PCLO: variants seen among roughly 807,000 people sequenced by gnomAD.
PCLO encodes piccolo presynaptic cytomatrix protein, also known as protein piccolo.
A neutral mutation model predicts 427.5 loss-of-function variants in PCLO; 82 were observed. The observed-to-expected ratio is 0.19, with a 90% CI of 0.16 to 0.23. The LOEUF (loss-of-function observed/expected upper bound fraction) is 0.23, where lower values mean the gene tolerates loss of function less well. PCLO is among the 10% of genes least tolerant of loss of function. The pLI is 1.00. For missense variants in PCLO, 6,239 were observed against 6,115.9 expected, an observed-to-expected ratio of 1.02 and a Z score of -0.67; for synonymous variants, 2,357 against 2,155.4, an observed-to-expected ratio of 1.09 and a Z score of -2.59.
Position 83,049,530 on chromosome 7 carries a change from G to A in PCLO, c.3301-83043C>T, listed in dbSNP as rs1789182890. The stretch of plus-strand genomic sequence containing the variant: ...TAGGGGAAGATGGAAGAGTGAAGGA[G>A]CTGAGGTCAAGAGGTTACCGATGAT... On this transcript the variant is annotated intron_variant, in intron 3 of 24. Coordinates refer to ENST00000333891, the MANE Select transcript of PCLO (RefSeq NM_033026.6). 2.6e-5 allele frequency among the ~76,000 whole-genome samples: 4 copies of A among 152,244 alleles called. No individual in the cohort carries two copies. The South Asian group carries it at 8.3e-4, about 32-fold the overall frequency.
rs1313000516 is a variant in PCLO, at chr7:83,038,037, A to ATC, written c.3301-71551_3301-71550insGA. On this transcript the variant is annotated intron_variant, in intron 3 of 24. Coordinates refer to ENST00000333891, the MANE Select transcript of PCLO (RefSeq NM_033026.6). ...TATATATATATATATATATTTATAT[A>ATC]TTTATATATATATCTTTATATATAT... 2.1e-4 allele frequency among the ~76,000 whole-genome samples: 7 copies of ATC among 33,832 alleles called. 1 individual carries two copies. Among genetic ancestry groups the ATC allele is most frequent in the African/African-American group, 2.6e-4 (2 of 7,550 alleles). 22.2% of individuals were successfully genotyped at this position (33,832 alleles called of 152,430 possible).
At chr7:83,037,638 CT>C (rs75488738) in intron 3 of PCLO, among the ~76,000 whole-genome samples, 70 of 150,090 alleles carry the variant, frequency 4.7e-4, no homozygotes, top group African/African-American at 1.3e-3. Flanking sequence ...CCAATTCTGA[CT>C]TTTTTTTTAT....
At position 82,946,952 on chromosome 7, in the gene PCLO, A is replaced by G. The variant is rs540494528; in HGVS notation, c.11112+2524T>C. Among the ~76,000 whole-genome samples, 147 of 152,314 alleles carry G rather than the reference A, an allele frequency of 9.7e-4. 2 individuals carry two copies. The highest frequency in any genetic ancestry group is 8.7e-4 in the Non-Finnish European group (59 of 68,010). On this transcript the variant is annotated intron_variant, in intron 6 of 24. Transcript: ENST00000333891. Reference sequence around the variant, plus strand: ...ATGGTGGCTCTGGTCTATGATCCTCATAGCCACAGGAAGTAAATCCAAACT... The same window carrying G: ...ATGGTGGCTCTGGTCTATGATCCTCGTAGCCACAGGAAGTAAATCCAAACT...
At chr7:83,053,786 T>C (rs988413022) in intron 3 of PCLO, among the ~76,000 whole-genome samples, 7 of 151,920 alleles carry the variant, frequency 4.6e-5, no homozygotes, top group Non-Finnish European at 1.0e-4. Context: ...TATTGAAATA[T>C]TTTATGTAAC....
At chr7:83,004,369 A>C (rs1787895127) in intron 3 of PCLO, among the ~76,000 whole-genome samples, 1 of 151,800 alleles carries the variant, frequency 6.6e-6, no homozygotes, top group Admixed American at 6.6e-5. Flanking sequence ...ACAGTCAACT[A>C]ATCTTCAACA....
At chr7:82,960,519 G>A (rs1163562073) in intron 4 of PCLO, among the ~76,000 whole-genome samples, 1 of 152,054 alleles carries the variant, frequency 6.6e-6, no homozygotes, top group African/African-American at 2.4e-5. Flanking sequence ...GAGTATTTTC[G>A]TGTACTATAT....
intron 3 of PCLO, among the ~76,000 whole-genome samples, chr7:83,051,380 A>G (rs1410750215): frequency 6.6e-6 from 1 of 152,180 alleles, no homozygotes; most frequent in Non-Finnish European, 1.5e-5. Flanking sequence ...CAAGGCTAAC[A>G]TATCAAAGTC....
In PCLO at chr7:83,155,297, C is replaced by A. The variant is rs377598673; in HGVS notation, c.1344G>T (p.Lys448Asn). 4 of 1,613,980 alleles carry A rather than the reference C, an allele frequency of 2.5e-6. No individual in the cohort carries two copies. The highest frequency in any genetic ancestry group is 2.5e-6 in the Non-Finnish European group (3 of 1,179,884). The change falls in exon 2 of 25, where the codon AAG becomes AAT. Residue 448 changes from lysine to asparagine, a missense_variant. Lys to Asn is a moderately conservative substitution (Grantham distance 94). Coordinates refer to ENST00000333891, the MANE Select transcript of PCLO (RefSeq NM_033026.6). ...KTPVQQPGPG[K>N]IPAQQAGPGK... The stretch of plus-strand genomic sequence containing the variant: ...CGGGTCCTGCCTGTTGAGCTGGAAT[C>A]TTTCCTGGCCCAGGCTGCTGAACTG...
Position 82,950,988 on chromosome 7 carries a change from A to G in PCLO, c.9600T>C (p.Ala3200=), listed in dbSNP as rs773390412. The change falls in exon 6 of 25, where the codon GCT becomes GCC. Residue 3200 remains alanine (A), a synonymous_variant. Coordinates refer to ENST00000333891, the MANE Select transcript of PCLO (RefSeq NM_033026.6). The part of the protein sequence containing the change: ...VFPEVVGDES[A]LLIVPEEDKQ... ...TATCTTCTTCAGGGACAATTAAAAG[A>G]GCACTTTCATCTCCCACCACTTCAG... 3.7e-6 allele frequency: 6 copies of G among 1,613,832 alleles called. No homozygotes were observed. In the Admixed American group the frequency reaches 1.0e-4, roughly 27 times the overall value.
chr7:82,891,147 C>T (rs1793755100), intron 9 of PCLO, among the ~76,000 whole-genome samples: 2 of 152,052 alleles, frequency 1.3e-5, no homozygotes, highest in Non-Finnish European at 2.9e-5. Flanking sequence ...AAAATGAATA[C>T]ATAATCAACT....
intron 6 of PCLO, among the ~76,000 whole-genome samples, chr7:82,943,455 C>CT (rs1416537630): frequency 6.6e-6 from 1 of 151,468 alleles, no homozygotes; most frequent in Non-Finnish European, 1.5e-5. Flanking sequence ...AATATACAAA[C>CT]TAATTTTTTT....
intron 6 of PCLO, among the ~76,000 whole-genome samples, chr7:82,946,538 A>C (rs2116403545): frequency 1.3e-5 from 2 of 152,286 alleles, no homozygotes; most frequent in South Asian, 2.1e-4. Flanking sequence ...CTGTGGAGGT[A>C]AAATTTGAGC....
At chr7:83,043,692 A>G (rs1789026474) in intron 3 of PCLO, among the ~76,000 whole-genome samples, 2 of 152,122 alleles carry the variant, frequency 1.3e-5, no homozygotes, top group African/African-American at 4.8e-5. Context: ...TCCTGCATTT[A>G]CACAGCTCTC....
At chr7:83,080,567 C>A (rs2116395240) in intron 3 of PCLO, among the ~76,000 whole-genome samples, 1 of 152,192 alleles carries the variant, frequency 6.6e-6, no homozygotes, top group African/African-American at 2.4e-5. Flanking sequence ...ATTTTAAAGT[C>A]CATTTCCGTA....
intron 3 of PCLO, among the ~76,000 whole-genome samples, chr7:82,988,434 G>A (rs1796302786): frequency 6.6e-6 from 1 of 152,054 alleles, no homozygotes; most frequent in Non-Finnish European, 1.5e-5. Flanking sequence ...CCAATCTATT[G>A]TTCTATAAAT....
At chr7:82,958,542 G>A (rs1251054743) in intron 4 of PCLO, among the ~76,000 whole-genome samples, 1 of 152,132 alleles carries the variant, frequency 6.6e-6, no homozygotes, top group African/African-American at 2.4e-5. Context: ...AGGGTAAAAT[G>A]ATTTTGCTGA....
At chr7:83,057,681 T>G (rs891872901) in intron 3 of PCLO, among the ~76,000 whole-genome samples, 1 of 151,772 alleles carries the variant, frequency 6.6e-6, no homozygotes, top group Admixed American at 6.6e-5. Flanking sequence ...TTAAATAATA[T>G]TCTTCTTATG....
intron 6 of PCLO, among the ~76,000 whole-genome samples, chr7:82,933,152 A>C (rs1045437285): frequency 6.6e-6 from 1 of 152,032 alleles, no homozygotes; most frequent in African/African-American, 2.4e-5. Flanking sequence ...TTACTGCCTC[A>C]GTTTTCTTTC....
chr7:82,996,696 T>C (rs970318312), intron 3 of PCLO, among the ~76,000 whole-genome samples: 6 of 151,972 alleles, frequency 3.9e-5, no homozygotes, highest in South Asian at 2.1e-4. Flanking sequence ...CTTTCGTACA[T>C]AGCCAAATTC....
Sources: gnomAD v4.1 joint callset for allele counts (sites outside exome capture counted in the v4.1 genomes callset) on GRCh38, gnomAD v4.1.1 for gene constraint, MANE v1.5 for transcripts, NCBI Gene and HGNC (gene_info 2026-07-23, HGNC 2026-07-21) for gene names.